The following PGAP1 variants were observed in gnomAD, a reference collection of about 807,000 sequenced individuals.
PGAP1 encodes GPI inositol-deacylase.
Under a neutral mutation model 127.0 loss-of-function variants are expected in PGAP1, and 76 were observed. The ratio of observed to expected loss-of-function variants is 0.60; its 90% confidence interval spans 0.50 to 0.72. PGAP1 has a LOEUF of 0.72. Among genes scored for constraint, PGAP1 ranks in the 30% least tolerant of loss-of-function variants. The probability of loss-of-function intolerance (pLI) is 0.00; values close to 1 mark genes in which losing one functional copy is unlikely to be tolerated. For missense variants in PGAP1, 982 were observed against 1,071.3 expected (o/e 0.92, Z 1.16); for synonymous variants, 362 against 366.5 (o/e 0.99, Z 0.14).
Position 196,926,649 on chromosome 2 carries a change from C to A in PGAP1, c.-33G>T, listed in dbSNP as rs1335298654. Reference sequence around the variant, plus strand: ...CCACCACCGCCGCCGCCGCCGCCGCCCCCTCTACCTCCTTCTCCGCCGCGG... The same window carrying A: ...CCACCACCGCCGCCGCCGCCGCCGCACCCTCTACCTCCTTCTCCGCCGCGG... On this transcript the variant is annotated 5_prime_UTR_variant, in exon 1 of 27. Transcript: ENST00000354764. The A allele has an allele frequency of 6.2e-7, 1 of 1,613,130 alleles. No individual in the cohort carries two copies. The highest frequency in any genetic ancestry group is 8.5e-7 in the Non-Finnish European group (1 of 1,179,582).
chr2:196,853,966 C>T (rs1559334363), intron 20 of PGAP1, among the ~76,000 whole-genome samples: 1 of 145,096 alleles, frequency 6.9e-6, no homozygotes, highest in Non-Finnish European at 1.5e-5. Context: ...TCATGGTCCA[C>T]TGTAGCCTCA....
intron 14 of PGAP1, chr2:196,874,005 A>G (rs1484622485): frequency 2.9e-6 from 1 of 345,454 alleles, no homozygotes; most frequent in Non-Finnish European, 5.2e-6. Context: ...CAATTTCAGA[A>G]AGGTGTACTT....
chr2:196,874,998 A>T (rs1254474770), intron 14 of PGAP1, among the ~76,000 whole-genome samples: 1 of 152,236 alleles, frequency 6.6e-6, no homozygotes, highest in Non-Finnish European at 1.5e-5. Flanking sequence ...CCTGGGTGAC[A>T]GAGTGAGACC....
chr2:196,904,782 T>A (rs952402924), intron 4 of PGAP1, among the ~76,000 whole-genome samples: 1 of 151,594 alleles, frequency 6.6e-6, no homozygotes, highest in Admixed American at 6.6e-5. Context: ...AGTGCAGAAG[T>A]AAAGATACAG....
At chr2:196,924,948 C>A (rs1002682298) in intron 1 of PGAP1, among the ~76,000 whole-genome samples, 1 of 152,112 alleles carries the variant, frequency 6.6e-6, no homozygotes, top group Non-Finnish European at 1.5e-5. Flanking sequence ...CTCTTCAATG[C>A]GGTACAAAAC....
chr2:196,916,552 T>C lies in PGAP1; in HGVS notation c.343A>G (p.Ile115Val), dbSNP rs1159496325. ...AAGTCAAAGTGGTACTTGAAGTCAA[T>C]GTCCTCTGCTTTTCTAAGTGCAATG... Reference protein sequence around the residue: ...GSIALRKAEDIDFKYHFDFFS... With the variant: ...GSIALRKAEDVDFKYHFDFFS... The change falls in exon 3 of 27, where the codon ATT becomes GTT. Residue 115 changes from isoleucine to valine, a missense_variant. Transcript: ENST00000354764. 6.2e-7 allele frequency: 1 copy of C among 1,613,160 alleles called. No individual in the cohort carries two copies. Among genetic ancestry groups the C allele is most frequent in the Non-Finnish European group, 8.5e-7 (1 of 1,179,662 alleles).
In PGAP1 at chr2:196,833,155, C is replaced by A. The variant is rs1700140493; in HGVS notation, c.*8079G>T. On this transcript the variant is annotated 3_prime_UTR_variant, in exon 27 of 27. Transcript: ENST00000354764. ...AAACCTACACCATAATGCTCAAACA[C>A]AGGTAAAAACATTCACAACACACTC... The A allele has an allele frequency of 2.6e-5, 4 of 152,620 alleles. No homozygotes were observed. In the South Asian group the frequency reaches 6.2e-4, roughly 24 times the overall value. The allele number at this position is 152,620 out of a possible 1,614,324, so 9.5% of individuals were successfully genotyped here. A position where few individuals can be genotyped will look rare whatever the true frequency, so the allele number is the denominator to read the frequency against.
intron 1 of PGAP1, chr2:196,922,300 G>A: frequency 1.7e-6 from 2 of 1,148,738 alleles, no homozygotes; most frequent in Non-Finnish European, 1.1e-6. Flanking sequence ...AACTTAAACT[G>A]AAAAATAAAG....
At chr2:196,892,209 C>T (rs1702121439) in intron 9 of PGAP1, 137 bp downstream of exon 9, 1 of 529,528 alleles carries the variant, frequency 1.9e-6, no homozygotes. Flanking sequence ...TGACTAGATA[C>T]TTATTAAGGA....
chr2:196,862,115 T>C (rs1266670867), intron 20 of PGAP1, among the ~76,000 whole-genome samples: 1 of 152,036 alleles, frequency 6.6e-6, no homozygotes, highest in Admixed American at 6.6e-5. Flanking sequence ...GAGCCATATT[T>C]CTCTTCTTTC....
intron 5 of PGAP1, among the ~76,000 whole-genome samples, chr2:196,900,082 G>A (rs7569411): frequency 0.1 from 15,506 of 152,130 alleles, 956 homozygotes; most frequent in African/African-American, 0.17. Flanking sequence ...TTTTTCTAAT[G>A]GTATGTGAGC....
At chr2:196,869,705 T>C (rs57854490) in intron 19 of PGAP1, among the ~76,000 whole-genome samples, 17,068 of 152,248 alleles carry the variant, frequency 0.11, 1,242 homozygotes, top group African/African-American at 0.21. Context: ...TTTAATCTTC[T>C]CTTCCTAATT....
At chr2:196,872,902 C>T in intron 17 of PGAP1, 58 bp downstream of exon 17, 5 of 682,806 alleles carry the variant, frequency 7.3e-6, no homozygotes, top group Non-Finnish European at 2.6e-6. Flanking sequence ...ATAAACTAAG[C>T]AGAATATCTA....
rs138810428 is a variant in PGAP1, at chr2:196,898,815, A to G, written c.808-446T>C. Among the ~76,000 whole-genome samples the G allele has an allele frequency of 1.4e-3, 213 of 152,264 alleles. 1 individual carries two copies. Among genetic ancestry groups the G allele is most frequent in the African/African-American group, 4.9e-3 (205 of 41,558 alleles). ...ATGTTAACTTCTTCATCAGTGGTGT[A>G]CCTAAGAAATACCTAGGCCTAAGGA... On this transcript the variant is annotated intron_variant, in intron 5 of 26. Transcript: ENST00000354764.
At chr2:196,853,053 T>A (rs148630205) in intron 20 of PGAP1, among the ~76,000 whole-genome samples, 54 of 152,338 alleles carry the variant, frequency 3.5e-4, no homozygotes, top group African/African-American at 1.1e-3. Flanking sequence ...CAGCAAGGCT[T>A]TCTTGAAATA....
chr2:196,842,041 C>T (rs1375960406), intron 26 of PGAP1, among the ~76,000 whole-genome samples: 1 of 149,128 alleles, frequency 6.7e-6, no homozygotes, highest in African/African-American at 2.5e-5. Flanking sequence ...TATTTTAACC[C>T]TACTTATAAA....
intron 20 of PGAP1, among the ~76,000 whole-genome samples, chr2:196,855,750 T>G (rs541321091): frequency 8.3e-4 from 127 of 152,316 alleles, no homozygotes; most frequent in African/African-American, 3.0e-3. Flanking sequence ...TGAGTATTCT[T>G]ATGGCCGTAT....
At chr2:196,847,925 T>C (rs1700605725) in intron 21 of PGAP1, 22 bp downstream of exon 21, 1 of 1,454,292 alleles carries the variant, frequency 6.9e-7, no homozygotes, top group Admixed American at 2.2e-5. Flanking sequence ...TTAAAATCAT[T>C]ATCACAGATA....
At chr2:196,899,149 T>C (rs771628613) in intron 5 of PGAP1, among the ~76,000 whole-genome samples, 1 of 152,176 alleles carries the variant, frequency 6.6e-6, no homozygotes, top group Non-Finnish European at 1.5e-5. Context: ...TTATTTTTCA[T>C]AGCATCTCTT....
Sources: gnomAD v4.1 joint callset for allele counts (sites outside exome capture counted in the v4.1 genomes callset) on GRCh38, gnomAD v4.1.1 for gene constraint, MANE v1.5 for transcripts, NCBI Gene and HGNC (gene_info 2026-07-23, HGNC 2026-07-21) for gene names.